ACTR3C: variants seen among roughly 807,000 people sequenced by gnomAD.
ACTR3C encodes the protein actin-related protein 3C.
Under a neutral mutation model 26.3 loss-of-function variants are expected in ACTR3C, and 18 were observed. The ratio of observed to expected loss-of-function variants is 0.68; its 90% confidence interval spans 0.47 to 1.01. The LOEUF (loss-of-function observed/expected upper bound fraction) is 1.01, where lower values mean the gene tolerates loss of function less well. ACTR3C is among the 50% of genes least tolerant of loss of function. The pLI, the probability that ACTR3C is intolerant of heterozygous loss-of-function variation, is 0.00. For missense variants in ACTR3C, 184 were observed against 250.7 expected (o/e 0.73, Z 1.80); for synonymous variants, 55 against 94.5 (o/e 0.58, Z 2.42).
chr7:150,171,577 G>T, the ACTR3C span, among the ~76,000 whole-genome samples: 1 of 150,158 alleles, frequency 6.7e-6, no homozygotes, highest in Non-Finnish European at 1.5e-5. Flanking sequence ...TAAGAAACTA[G>T]AAAAAGAAAA....
At chr7:149,910,855 A>T in the ACTR3C span, among the ~76,000 whole-genome samples, 1 of 151,872 alleles carries the variant, frequency 6.6e-6, no homozygotes, top group Non-Finnish European at 1.5e-5. Flanking sequence ...CAAAAAAAAA[A>T]CAAGTCAGCT....
chr7:149,923,768 C>CG, the ACTR3C span, among the ~76,000 whole-genome samples: 1,019 of 151,870 alleles, frequency 6.7e-3, 11 homozygotes, highest in African/African-American at 0.023. Flanking sequence ...GAGGCAGGGG[C>CG]GGGTGGATCA....
chr7:150,297,522 C>T lies in ACTR3C; in HGVS notation c.-51-2175G>A, dbSNP rs558274198. 8.5e-5 allele frequency among the ~76,000 whole-genome samples: 13 copies of T among 152,254 alleles called. No individual in the cohort carries two copies. The South Asian group carries it at 2.3e-3, about 27-fold the overall frequency. On this transcript the variant is annotated intron_variant, in intron 1 of 7. Coordinates refer to ENST00000683684, the MANE Select transcript of ACTR3C (RefSeq NM_001164458.2). ...TGCAGAAAGTCCAGCAAAAGACTTA[C>T]AGTGAGCAATGAAGCCATTTAAGAC...
At chr7:149,966,761 C>G in the ACTR3C span, among the ~76,000 whole-genome samples, 1 of 152,200 alleles carries the variant, frequency 6.6e-6, no homozygotes, top group Non-Finnish European at 1.5e-5. Context: ...ACAGCTTTGG[C>G]TGATGTCACA....
the ACTR3C span, among the ~76,000 whole-genome samples, chr7:150,093,969 T>C: frequency 6.6e-6 from 1 of 150,638 alleles, no homozygotes; most frequent in African/African-American, 2.5e-5. Flanking sequence ...GGTAACCTTA[T>C]GATGCAAATA....
At chr7:149,983,329 T>G in the ACTR3C span, among the ~76,000 whole-genome samples, 4 of 150,692 alleles carry the variant, frequency 2.7e-5, no homozygotes, top group African/African-American at 9.8e-5. Flanking sequence ...ATGTTCAACA[T>G]CATTAACCAT....
chr7:149,979,725 G>T, the ACTR3C span, among the ~76,000 whole-genome samples: 54 of 151,142 alleles, frequency 3.6e-4, no homozygotes, highest in East Asian at 0.01. Flanking sequence ...TGAAATGCTT[G>T]GGAAATATGT....
chr7:150,304,089 G>A (rs1795630728), intron 1 of ACTR3C, among the ~76,000 whole-genome samples: 2 of 152,228 alleles, frequency 1.3e-5, no homozygotes, highest in Non-Finnish European at 2.9e-5. Flanking sequence ...CCTCAAGGAA[G>A]CGAGAATAGG....
intron 6 of ACTR3C, among the ~76,000 whole-genome samples, chr7:150,262,069 C>T (rs1377810815): frequency 6.7e-6 from 1 of 149,426 alleles, no homozygotes; most frequent in Admixed American, 6.7e-5. Context: ...GCATTTATTA[C>T]TAAGAAGTTG....
At chr7:150,013,606 A>C in the ACTR3C span, among the ~76,000 whole-genome samples, 1 of 152,236 alleles carries the variant, frequency 6.6e-6, no homozygotes, top group African/African-American at 2.4e-5. Flanking sequence ...TCTCATAGGA[A>C]GATGCCTTGG....
chr7:150,256,917 T>A (rs1833259116), intron 6 of ACTR3C, among the ~76,000 whole-genome samples: 1 of 152,174 alleles, frequency 6.6e-6, no homozygotes, highest in Non-Finnish European at 1.5e-5. Flanking sequence ...AATAATTATA[T>A]CCTAATATAT....
At chr7:150,190,396 G>GT in the ACTR3C span, among the ~76,000 whole-genome samples, 29,502 of 152,080 alleles carry the variant, frequency 0.19, 4,981 homozygotes, top group African/African-American at 0.45. Context: ...ACAAAGTCCA[G>GT]TTAGTGATTC....
the ACTR3C span, among the ~76,000 whole-genome samples, chr7:150,069,131 T>C: frequency 6.6e-6 from 1 of 152,222 alleles, no homozygotes; most frequent in Non-Finnish European, 1.5e-5. Context: ...TTTCAAGATA[T>C]CTGCAATTGC....
At chr7:150,039,829 G>T in the ACTR3C span, among the ~76,000 whole-genome samples, 1 of 93,038 alleles carries the variant, frequency 1.1e-5, no homozygotes, top group African/African-American at 4.4e-5. Flanking sequence ...GGGTGCCTCC[G>T]CCCCCAGCGA....
intron 6 of ACTR3C, among the ~76,000 whole-genome samples, chr7:150,280,818 G>GTATA (rs1175868519): frequency 2.1e-5 from 3 of 141,042 alleles, no homozygotes; most frequent in African/African-American, 8.7e-5. Context: ...GTGTGTGTGT[G>GTATA]TATATATATA....
the ACTR3C span, among the ~76,000 whole-genome samples, chr7:150,047,299 T>G: frequency 5.9e-5 from 9 of 152,112 alleles, no homozygotes; most frequent in Admixed American, 5.9e-4. Context: ...CAGCATGCTG[T>G]TAAAAACAGA....
the ACTR3C span, among the ~76,000 whole-genome samples, chr7:149,894,292 C>T: frequency 1.3e-5 from 2 of 152,164 alleles, no homozygotes; most frequent in South Asian, 2.1e-4. Context: ...AACTGTGGAA[C>T]TATTAGAAGA....
At chr7:149,975,992 A>C in the ACTR3C span, among the ~76,000 whole-genome samples, 3 of 152,342 alleles carry the variant, frequency 2.0e-5, no homozygotes, top group South Asian at 6.2e-4. Context: ...GACAAGATGG[A>C]AATCAAACAG....
At chr7:149,925,123 C>T in the ACTR3C span, among the ~76,000 whole-genome samples, 1 of 151,480 alleles carries the variant, frequency 6.6e-6, no homozygotes. Context: ...GAGAAGGCAC[C>T]ATTTATGATA....
Sources: allele counts gnomAD v4.1 joint callset (sites outside exome capture counted in the v4.1 genomes callset), GRCh38; gene constraint gnomAD v4.1.1; transcripts MANE v1.5; gene names NCBI Gene and HGNC (gene_info 2026-07-23, HGNC 2026-07-21).